The following EFCC1 variants were observed in gnomAD, a reference collection of about 807,000 sequenced individuals.
The protein encoded by EFCC1 is EF-hand and coiled-coil domain-containing protein 1.
EFCC1 carries 50 observed loss-of-function variants against 52.1 expected under a neutral mutation model. The observed-to-expected ratio is 0.96, with a 90% CI of 0.76 to 1.21. The LOEUF (loss-of-function observed/expected upper bound fraction) is 1.21, where lower values mean the gene tolerates loss of function less well. Among genes scored for constraint, EFCC1 ranks in the 50% most tolerant of loss-of-function variants. The pLI, the probability that EFCC1 is intolerant of heterozygous loss-of-function variation, is 0.00. For missense variants in EFCC1, 837 were observed against 867.3 expected, an observed-to-expected ratio of 0.97 and a Z score of 0.44; for synonymous variants, 399 against 396.5, an observed-to-expected ratio of 1.01 and a Z score of -0.08.
intron 2 of EFCC1, among the ~76,000 whole-genome samples, chr3:129,015,218 GC>G (rs1364239689): frequency 2.0e-5 from 3 of 151,938 alleles, no homozygotes. Flanking sequence ...CCCTTCTCAG[GC>G]CCTTTGGGCA....
Position 129,003,898 on chromosome 3 carries a change from G to A in EFCC1, c.801G>A (p.Ala267=), listed in dbSNP as rs1487123881. The A allele has an allele frequency of 1.5e-6, 2 of 1,373,550 alleles. No homozygotes were observed. Among genetic ancestry groups the A allele is most frequent in the East Asian group, 3.2e-5 (1 of 31,490 alleles). The allele number at this position is 1,373,550 out of a possible 1,614,324, so 85.1% of individuals were successfully genotyped here. A position where few individuals can be genotyped will look rare whatever the true frequency, so the allele number is the denominator to read the frequency against. Residue 267 remains alanine (A), a synonymous_variant, in exon 2 of 8, where the codon GCG becomes GCA. Transcript: ENST00000683648. ...LRQAQGALAA[A]EARAGRLRRG... ...AGGCGCAGGGCGCCCTGGCTGCGGC[G>A]GAGGCCCGCGCTGGGCGGCTGCGCC... is the stretch of plus-strand genomic sequence containing the variant.
At chr3:129,026,366 A>C (rs751923461) in intron 2 of EFCC1, among the ~76,000 whole-genome samples, 25 of 151,976 alleles carry the variant, frequency 1.6e-4, no homozygotes, top group East Asian at 3.8e-4. Context: ...GGAATAGAAG[A>C]AGCAGCAGCA....
At chr3:129,033,171 C>T (rs368225360) in intron 4 of EFCC1, among the ~76,000 whole-genome samples, 18 of 152,320 alleles carry the variant, frequency 1.2e-4, no homozygotes, top group African/African-American at 2.6e-4. Context: ...GGGCACATCT[C>T]GTGGCTGGCT....
At chr3:129,012,479 T>G (rs908370745) in intron 2 of EFCC1, among the ~76,000 whole-genome samples, 2 of 152,164 alleles carry the variant, frequency 1.3e-5, no homozygotes, top group Non-Finnish European at 2.9e-5. Flanking sequence ...GGAACATGGC[T>G]GCAGGGACCC....
Position 129,038,850 on chromosome 3 carries a change from TG to T in EFCC1, c.1617del (p.Lys540ArgfsTer4), listed in dbSNP as rs1172414286. On this transcript the variant is annotated frameshift_variant, in exon 7 of 8. Coordinates refer to ENST00000683648, the MANE Select transcript of EFCC1 (RefSeq NM_001377500.1). LOFTEE classifies it low-confidence loss of function (END_TRUNC). ...TTTAAGAACATATCGAAAAGAGCCC[TG>T]GGGAAGATTTTGCTGAGCACGCTGG... ...LRDLNISKRA[L>X]GKILLSTLDA... 1.1e-5 allele frequency: 18 copies of T among 1,613,836 alleles called. No individual in the cohort carries two copies. The highest frequency in any genetic ancestry group is 5.0e-5 in the Admixed American group (3 of 60,010).
intron 2 of EFCC1, among the ~76,000 whole-genome samples, chr3:129,028,576 A>T (rs1946196949): frequency 6.6e-6 from 1 of 151,758 alleles, no homozygotes. Context: ...TTCTTTTTGC[A>T]GCTTTACCAT....
intron 2 of EFCC1, among the ~76,000 whole-genome samples, chr3:129,021,496 C>G (rs1332949195): frequency 6.6e-6 from 1 of 152,142 alleles, no homozygotes; most frequent in Non-Finnish European, 1.5e-5. Flanking sequence ...ATCGCTTGAA[C>G]CCGGGAGGCG....
intron 2 of EFCC1, among the ~76,000 whole-genome samples, chr3:129,022,515 G>C (rs887502421): frequency 6.6e-6 from 1 of 152,180 alleles, no homozygotes; most frequent in African/African-American, 2.4e-5. Context: ...TAAGCCCCTG[G>C]GCTGGCGGCC....
intron 2 of EFCC1, among the ~76,000 whole-genome samples, chr3:129,006,725 G>T (rs927628380): frequency 1.3e-5 from 2 of 152,190 alleles, no homozygotes. Context: ...GTGATGCTAT[G>T]TGAAGGGCAC....
chr3:129,018,040 C>T (rs2085269923), intron 2 of EFCC1, among the ~76,000 whole-genome samples: 2 of 152,164 alleles, frequency 1.3e-5, no homozygotes, highest in African/African-American at 2.4e-5. Flanking sequence ...GTATGCAGTC[C>T]TGGCCATACA....
chr3:129,016,592 G>T (rs1945595338), intron 2 of EFCC1, among the ~76,000 whole-genome samples: 1 of 151,786 alleles, frequency 6.6e-6, no homozygotes, highest in African/African-American at 2.4e-5. Context: ...GACTCATTTA[G>T]CCAGCCCCCG....
At chr3:129,008,596 A>G (rs1945178733) in intron 2 of EFCC1, among the ~76,000 whole-genome samples, 1 of 152,100 alleles carries the variant, frequency 6.6e-6, no homozygotes, top group Non-Finnish European at 1.5e-5. Context: ...CTGTGGACCA[A>G]TCCCCGTGCC....
chr3:129,026,726 C>T (rs1946124461), intron 2 of EFCC1, among the ~76,000 whole-genome samples: 1 of 152,114 alleles, frequency 6.6e-6, no homozygotes, highest in Non-Finnish European at 1.5e-5. Context: ...AGTCTGGAGC[C>T]TGTGGAGTAG....
rs563646191 is a variant in EFCC1, at chr3:129,002,164, C to T, written c.536C>T (p.Pro179Leu). 9 of 1,472,192 alleles carry T rather than the reference C, an allele frequency of 6.1e-6. No individual in the cohort carries two copies. Among genetic ancestry groups the T allele is most frequent in the African/African-American group, 4.4e-5 (3 of 67,494 alleles). 91.2% of individuals were successfully genotyped at this position (1,472,192 alleles called of 1,614,324 possible). ...HIETQIRLRR[P>L]RRRRRPPCAP... ...GAGACGCAGATCCGCCTGCGCCGTC[C>T]GCGCCGCCGCCGCCGCCCGCCCTGC... Residue 179 changes from proline to leucine, a missense_variant, in exon 1 of 8, where the codon CCG (proline) becomes CTG (leucine). Coordinates refer to ENST00000683648, the MANE Select transcript of EFCC1 (RefSeq NM_001377500.1).
intron 2 of EFCC1, among the ~76,000 whole-genome samples, chr3:129,004,718 T>C (rs75472800): frequency 0.021 from 3,254 of 152,234 alleles, 107 homozygotes; most frequent in African/African-American, 0.072. Context: ...AAGTACTTTA[T>C]GTGGCTTAAC....
chr3:129,027,740 C>T (rs1030188074), intron 2 of EFCC1, among the ~76,000 whole-genome samples: 2 of 152,070 alleles, frequency 1.3e-5, no homozygotes, highest in Non-Finnish European at 2.9e-5. Context: ...CGGATCACCT[C>T]AGGTCAAGAG....
chr3:129,038,777 G>T lies in EFCC1; in HGVS notation c.1594-54G>T, dbSNP rs2107943154. 2.5e-6 allele frequency: 4 copies of T among 1,585,796 alleles called. No homozygotes were observed. The East Asian group carries it at 6.7e-5, about 27-fold the overall frequency. The stretch of plus-strand genomic sequence containing the variant: ...TAGGGGCCACCAGTTCCCATCGGCT[G>T]AACAGGGACACAGCAACCAGTCTAA... On this transcript the variant is annotated intron_variant, in intron 6 of 7. Coordinates refer to ENST00000683648, the MANE Select transcript of EFCC1 (RefSeq NM_001377500.1).
chr3:129,030,868 C>T lies in EFCC1; in HGVS notation c.1138+8C>T. Reference sequence around the variant, plus strand: ...GCAGAGCCCTGGATGAAGGTTTGTCCCCTGTGCGCCCAGTCTTCCTGCCAG... The same window carrying T: ...GCAGAGCCCTGGATGAAGGTTTGTCTCCTGTGCGCCCAGTCTTCCTGCCAG... On this transcript the variant is annotated splice_region_variant and intron_variant, in intron 3 of 7. Transcript: ENST00000683648. 6.5e-7 allele frequency: 1 copy of T among 1,546,088 alleles called. No homozygotes were observed. Among genetic ancestry groups the T allele is most frequent in the Non-Finnish European group, 8.7e-7 (1 of 1,143,476 alleles).
At chr3:129,027,111 G>A (rs1205705314) in intron 2 of EFCC1, among the ~76,000 whole-genome samples, 1 of 151,868 alleles carries the variant, frequency 6.6e-6, no homozygotes, top group African/African-American at 2.4e-5. Context: ...CATGCTCCGC[G>A]CCCTCAGGCA....
Sources: allele counts gnomAD v4.1 joint callset (sites outside exome capture counted in the v4.1 genomes callset), GRCh38; gene constraint gnomAD v4.1.1; transcripts MANE v1.5; gene names NCBI Gene and HGNC (gene_info 2026-07-23, HGNC 2026-07-21).